STXBP5: variants seen among roughly 807,000 people sequenced by gnomAD.
STXBP5 encodes syntaxin binding protein 5, also known as syntaxin-binding protein 5.
In STXBP5, 50 loss-of-function variants were observed where a neutral mutation model predicts 152.4. The ratio of observed to expected loss-of-function variants is 0.33; its 90% CI spans 0.26 to 0.42. The LOEUF (loss-of-function observed/expected upper bound fraction) is 0.42, where lower values mean the gene tolerates loss of function less well. STXBP5 is among the 10% of genes least tolerant of loss of function. STXBP5 has a pLI of 1.00. For missense variants in STXBP5, 1,167 were observed against 1,388.6 expected (o/e 0.84, Z 2.54); for synonymous variants, 492 against 494.7 (o/e 0.99, Z 0.07).
chr6:147,291,256 G>T (rs1261041054), intron 9 of STXBP5, 84 bp downstream of exon 9: 56 of 1,111,044 alleles, frequency 5.0e-5, no homozygotes, highest in Non-Finnish European at 6.9e-5. Context: ...AATTTTGAAG[G>T]CCTATTTTAG....
intron 18 of STXBP5, among the ~76,000 whole-genome samples, chr6:147,331,532 A>T (rs1783568049): frequency 6.6e-6 from 1 of 152,118 alleles, no homozygotes; most frequent in Admixed American, 6.5e-5. Context: ...CTCCCTCATG[A>T]AGTTGGTGTG....
rs190220761 is a variant in STXBP5, at chr6:147,298,949, G to A, written c.917+7777G>A. ...AAAAAAGTGAACAAACCCAAAATTG[G>A]TAGGAAGAAAGAAATAATAATTATC... is the stretch of plus-strand genomic sequence containing the variant. On this transcript the variant is annotated intron_variant, in intron 9 of 27. Coordinates refer to ENST00000321680, the MANE Select transcript of STXBP5 (RefSeq NM_001127715.4). Among the ~76,000 whole-genome samples, 300 of 151,820 alleles carry A rather than the reference G, an allele frequency of 2.0e-3. 2 individuals are homozygous for A. Among genetic ancestry groups the A allele is most frequent in the African/African-American group, 7.0e-3 (289 of 41,440 alleles).
rs186967799 is a variant in STXBP5 at position 147,261,719 on chromosome 6, G to A, written c.567-571G>A. Among the ~76,000 whole-genome samples the A allele has an allele frequency of 9.9e-4, 151 of 151,994 alleles. 2 individuals carry two copies. Among genetic ancestry groups the A allele is most frequent in the Admixed American group, 5.1e-3 (78 of 15,250 alleles). ...TAGGCCTAGTGCAGGTGTCTGTATAGTTTCACAGATGGCTCTCATGAAATG... is the reference window on the plus strand; with the variant it reads ...TAGGCCTAGTGCAGGTGTCTGTATAATTTCACAGATGGCTCTCATGAAATG... On this transcript the variant is annotated intron_variant, in intron 5 of 27. Coordinates refer to ENST00000321680, the MANE Select transcript of STXBP5 (RefSeq NM_001127715.4).
intron 9 of STXBP5, among the ~76,000 whole-genome samples, chr6:147,295,826 C>T (rs919613102): frequency 6.6e-6 from 1 of 152,158 alleles, no homozygotes; most frequent in African/African-American, 2.4e-5. Flanking sequence ...ATGTGTGTAC[C>T]CTCACCACCC....
intron 3 of STXBP5, among the ~76,000 whole-genome samples, chr6:147,237,930 AT>A (rs1441226888): frequency 6.6e-6 from 1 of 152,162 alleles, no homozygotes; most frequent in Non-Finnish European, 1.5e-5. Flanking sequence ...TTGATGATAG[AT>A]TTCTGAGTCC....
chr6:147,258,410 C>T (rs565499553), intron 4 of STXBP5, among the ~76,000 whole-genome samples: 36 of 152,200 alleles, frequency 2.4e-4, no homozygotes, highest in African/African-American at 7.5e-4. Flanking sequence ...AACATGCACA[C>T]GCATAACACA....
At chr6:147,326,377 T>A (rs1215882554) in intron 17 of STXBP5, among the ~76,000 whole-genome samples, 1 of 152,212 alleles carries the variant, frequency 6.6e-6, no homozygotes, top group Non-Finnish European at 1.5e-5. Flanking sequence ...TTACCAAGAC[T>A]ATATAAATCC....
chr6:147,360,259 A>G (rs909290358), intron 23 of STXBP5, among the ~76,000 whole-genome samples: 6 of 152,134 alleles, frequency 3.9e-5, no homozygotes, highest in East Asian at 1.9e-4. Flanking sequence ...GGGATCTAGA[A>G]CTAGAAATAC....
At chr6:147,288,293 T>C (rs1408053434) in intron 8 of STXBP5, among the ~76,000 whole-genome samples, 1 of 152,128 alleles carries the variant, frequency 6.6e-6, no homozygotes, top group Non-Finnish European at 1.5e-5. Flanking sequence ...TCACACAAAA[T>C]GTTGATTGTG....
At chr6:147,261,201 T>C (rs1475227299) in intron 5 of STXBP5, among the ~76,000 whole-genome samples, 1 of 152,080 alleles carries the variant, frequency 6.6e-6, no homozygotes, top group Non-Finnish European at 1.5e-5. Context: ...AGTTAATATA[T>C]TATCAAATTA....
intron 21 of STXBP5, among the ~76,000 whole-genome samples, chr6:147,346,465 G>A (rs1003235514): frequency 7.9e-5 from 12 of 152,228 alleles, no homozygotes; most frequent in African/African-American, 2.6e-4. Context: ...ACGGCCAGGC[G>A]CAGTGGCTCA....
At chr6:147,325,128 C>G in intron 17 of STXBP5, 44 bp downstream of exon 17, 1 of 1,364,220 alleles carries the variant, frequency 7.3e-7, no homozygotes, top group Middle Eastern at 2.0e-4. Context: ...TCATAGTATT[C>G]CATATGTCAT....
chr6:147,258,800 A>G (rs1779507425), intron 4 of STXBP5, among the ~76,000 whole-genome samples: 1 of 152,046 alleles, frequency 6.6e-6, no homozygotes, highest in Non-Finnish European at 1.5e-5. Flanking sequence ...TTTTAAATGT[A>G]TTATATAAAA....
intron 25 of STXBP5, among the ~76,000 whole-genome samples, chr6:147,372,879 CA>C (rs1455377098): frequency 6.6e-6 from 1 of 152,100 alleles, no homozygotes; most frequent in African/African-American, 2.4e-5. Flanking sequence ...TGATGATGTA[CA>C]AGGGAAGAGT....
intron 16 of STXBP5, among the ~76,000 whole-genome samples, chr6:147,319,229 G>A (rs910015122): frequency 2.0e-5 from 3 of 151,828 alleles, no homozygotes; most frequent in African/African-American, 7.3e-5. Flanking sequence ...ATTTTTCATT[G>A]AGTTTTTACA....
At chr6:147,361,567 G>A (rs1785068812) in intron 23 of STXBP5, among the ~76,000 whole-genome samples, 1 of 152,128 alleles carries the variant, frequency 6.6e-6, no homozygotes, top group African/African-American at 2.4e-5. Context: ...AGAGCCTAAA[G>A]TGGTCTACTT....
Position 147,260,598 on chromosome 6 carries a change from A to G in STXBP5, c.432-17A>G. 1.2e-6 allele frequency: 2 copies of G among 1,613,362 alleles called. No individual in the cohort carries two copies. The highest frequency in any genetic ancestry group is 1.7e-6 in the Non-Finnish European group (2 of 1,179,506). On this transcript the variant is annotated splice_polypyrimidine_tract_variant and intron_variant, in intron 4 of 27. Transcript: ENST00000321680. ...CATTTTTCAAATTTCTTTTTTGAGT[A>G]TATTTTTCTCTTGCAGGGTTACATT...
intron 18 of STXBP5, chr6:147,328,677 C>T (rs961250454): frequency 6.4e-5 from 30 of 467,198 alleles, no homozygotes; most frequent in Admixed American, 7.1e-5. Context: ...TTATTTCTTC[C>T]GCTTTTCATT....
At chr6:147,334,121 G>T (rs773922332) in intron 18 of STXBP5, 36 bp from the exon 19 acceptor site, 10 of 1,599,394 alleles carry the variant, frequency 6.3e-6, no homozygotes, top group Non-Finnish European at 7.7e-6. Context: ...TTACATAAAT[G>T]TATGGGTTGA....
Sources: gnomAD v4.1 joint callset for allele counts (sites outside exome capture counted in the v4.1 genomes callset) on GRCh38, gnomAD v4.1.1 for gene constraint, MANE v1.5 for transcripts, NCBI Gene and HGNC (gene_info 2026-07-23, HGNC 2026-07-21) for gene names.